Variants in MYH11 observed in about 807,000 individuals in gnomAD.
MYH11 encodes the protein myosin heavy chain 11, also known as myosin-11.
In MYH11, 80 loss-of-function variants were observed where a neutral mutation model predicts 246.6. The observed-to-expected ratio is 0.32, with a 90% CI of 0.27 to 0.39. MYH11 has a LOEUF of 0.39. MYH11 is among the 10% of genes least tolerant of loss of function. The probability of loss-of-function intolerance (pLI) is 1.00; values close to 1 mark genes in which losing one functional copy is unlikely to be tolerated. For missense variants in MYH11, 2,158 were observed against 2,546.8 expected, an observed-to-expected ratio of 0.85 and a Z score of 3.29; for synonymous variants, 1,071 against 1,015.5, an observed-to-expected ratio of 1.05 and a Z score of -1.04.
rs549142813 is a variant in MYH11, at chr16:15,805,949, A to T, written c.503-7262T>A. ...TATAAATAGTATGAATCCATGATACAACGTGGATGAACCTTGACAACATTA... is the reference window on the plus strand; with the variant it reads ...TATAAATAGTATGAATCCATGATACTACGTGGATGAACCTTGACAACATTA... On this transcript the variant is annotated intron_variant, in intron 3 of 40. Coordinates refer to ENST00000300036, the MANE Select transcript of MYH11 (RefSeq NM_002474.3). Among the ~76,000 whole-genome samples the T allele has an allele frequency of 4.6e-5, 7 of 152,152 alleles. No individual in the cohort carries two copies. The South Asian group carries it at 1.5e-3, about 32-fold the overall frequency.
intron 16 of MYH11, 68 bp from the exon 17 acceptor site, chr16:15,748,236 T>G (rs2041473841): frequency 6.2e-7 from 1 of 1,603,150 alleles, no homozygotes; most frequent in African/African-American, 1.3e-5. Context: ...GCCCCAAACC[T>G]CCTACCTGGA....
intron 3 of MYH11, among the ~76,000 whole-genome samples, chr16:15,823,015 C>T (rs1172933147): frequency 1.3e-5 from 2 of 152,274 alleles, no homozygotes; most frequent in Non-Finnish European, 2.9e-5. Context: ...CCTTGGGCAG[C>T]GAGCCCCGGA....
chr16:15,716,838 A>G (rs1214176654), intron 38 of MYH11, among the ~76,000 whole-genome samples: 1 of 152,158 alleles, frequency 6.6e-6, no homozygotes, highest in Non-Finnish European at 1.5e-5. Context: ...ATCTGTCAGC[A>G]TGCTATCCCT....
At position 15,786,832 on chromosome 16, in the gene MYH11, C is replaced by T. The variant is rs951105656; in HGVS notation, c.531-100G>A. ...CAATAATGATCATCACCACCATTTCCCAGAGGGTGAAACAGAGGCTCCCAG... is the reference window on the plus strand; with the variant it reads ...CAATAATGATCATCACCACCATTTCTCAGAGGGTGAAACAGAGGCTCCCAG... On this transcript the variant is annotated intron_variant, in intron 4 of 40. Coordinates refer to ENST00000300036, the MANE Select transcript of MYH11 (RefSeq NM_002474.3). The T allele has an allele frequency of 5.4e-6, 6 of 1,114,934 alleles. No individual in the cohort carries two copies. In the African/African-American group the frequency reaches 7.8e-5, roughly 14 times the overall value. 69.1% of individuals were successfully genotyped at this position (1,114,934 alleles called of 1,614,324 possible).
At chr16:15,852,301 T>C (rs1386526777) in intron 1 of MYH11, among the ~76,000 whole-genome samples, 3 of 151,568 alleles carry the variant, frequency 2.0e-5, no homozygotes, top group East Asian at 1.9e-4. Context: ...ACTGCTGTCA[T>C]ATGTGACTGC....
rs927619797 is a variant in MYH11 at position 15,750,898 on chromosome 16, C to T, written c.1865-567G>A. Among the ~76,000 whole-genome samples the T allele has an allele frequency of 5.3e-5, 8 of 151,750 alleles. No homozygotes were observed. The highest frequency in any genetic ancestry group is 1.2e-4 in the Non-Finnish European group (8 of 67,960). On this transcript the variant is annotated intron_variant, in intron 15 of 40. Coordinates refer to ENST00000300036, the MANE Select transcript of MYH11 (RefSeq NM_002474.3). This position sits in a 1 kb window ranked among gnomAD's most constrained non-coding sequence, Gnocchi z 4.3. ...GGAATATCTTGAGTAGTGAGGTGTG[C>T]GTAGAAAAATAAAAATAGGGTAAAG...
chr16:15,831,397 G>C (rs1488628709), intron 2 of MYH11, among the ~76,000 whole-genome samples: 2 of 151,806 alleles, frequency 1.3e-5, no homozygotes, highest in East Asian at 3.9e-4. Flanking sequence ...AAAACTATAA[G>C]GTAGGGTTAA....
At chr16:15,726,752 A>G in intron 28 of MYH11, 96 bp downstream of exon 28, 1 of 1,408,610 alleles carries the variant, frequency 7.1e-7, no homozygotes, top group Non-Finnish European at 9.9e-7. Context: ...CTTGCCTTGC[A>G]GCAAGAGAGA....
At chr16:15,804,705 TC>T (rs2151329561) in intron 3 of MYH11, among the ~76,000 whole-genome samples, 1 of 152,310 alleles carries the variant, frequency 6.6e-6, no homozygotes, top group South Asian at 2.1e-4. Context: ...CAATTTGCTT[TC>T]TGTCTCTATG....
At chr16:15,718,514 C>T in intron 36 of MYH11, 76 bp from the exon 37 acceptor site, 3 of 1,522,774 alleles carry the variant, frequency 2.0e-6, no homozygotes, top group Non-Finnish European at 1.8e-6. Flanking sequence ...GGAGTCATGC[C>T]TCAGGGGTAT....
intron 16 of MYH11, 35 bp from the exon 17 acceptor site, chr16:15,748,203 G>A (rs538840615): frequency 1.2e-6 from 2 of 1,611,992 alleles, no homozygotes; most frequent in Admixed American, 3.3e-5. Context: ...GATCCCTGGG[G>A]CCAGAAACCA....
At chr16:15,763,127 G>A (rs565710931) in intron 10 of MYH11, among the ~76,000 whole-genome samples, 2 of 152,082 alleles carry the variant, frequency 1.3e-5, no homozygotes, top group East Asian at 1.9e-4. Flanking sequence ...ATGTTACAAG[G>A]GACATAATTA....
chr16:15,782,649 A>G, intron 5 of MYH11, 172 bp from the exon 6 acceptor site: 1 of 629,052 alleles, frequency 1.6e-6, no homozygotes, highest in Admixed American at 2.4e-5. Flanking sequence ...ATTTCAGAAG[A>G]GAAGCAACTG....
At chr16:15,793,615 C>CTTTTTT (rs572455483) in intron 4 of MYH11, among the ~76,000 whole-genome samples, 137 of 93,780 alleles carry the variant, frequency 1.5e-3, no homozygotes, top group African/African-American at 3.4e-3. Context: ...CTTTTCTTTT[C>CTTTTTT]TTTTTTTTTT....
chr16:15,737,423 C>G, intron 25 of MYH11, 26 bp downstream of exon 25: 1 of 1,608,238 alleles, frequency 6.2e-7, no homozygotes, highest in Non-Finnish European at 8.5e-7. Context: ...GGACACACAG[C>G]AAATGCCCCT....
At chr16:15,813,664 T>C (rs1296827777) in intron 3 of MYH11, among the ~76,000 whole-genome samples, 1 of 151,976 alleles carries the variant, frequency 6.6e-6, no homozygotes, top group Non-Finnish European at 1.5e-5. Context: ...TCCTAAACCT[T>C]ACTAAAATAA....
intron 4 of MYH11, among the ~76,000 whole-genome samples, chr16:15,793,226 A>C (rs150621645): frequency 6.6e-6 from 1 of 152,294 alleles, no homozygotes; most frequent in East Asian, 1.9e-4. Context: ...GCTAGACAAA[A>C]TACAACTCAG....
At chr16:15,778,644 T>G in intron 7 of MYH11, 136 bp downstream of exon 7, 3 of 901,430 alleles carry the variant, frequency 3.3e-6, no homozygotes, top group Non-Finnish European at 5.5e-6. Context: ...ATGCCTGCTG[T>G]TAAGGGGAGA....
In MYH11 at chr16:15,838,279, A is replaced by G. The variant is rs775443914; in HGVS notation, c.-17-10T>C. On this transcript the variant is annotated splice_polypyrimidine_tract_variant and intron_variant, in intron 1 of 40. Coordinates refer to ENST00000300036, the MANE Select transcript of MYH11 (RefSeq NM_002474.3). ...GTGCCTTGTTGGTCCCCTGTGGAAT[A>G]AGGTAACAGGGTCAGAATCAGACCA... 3 of 1,607,410 alleles carry G rather than the reference A, an allele frequency of 1.9e-6. No homozygotes were observed. Among genetic ancestry groups the G allele is most frequent in the Non-Finnish European group, 2.6e-6 (3 of 1,174,480 alleles).
Sources: allele counts gnomAD v4.1 joint callset (sites outside exome capture counted in the v4.1 genomes callset), GRCh38; gene constraint gnomAD v4.1.1; non-coding constraint Gnocchi (gnomAD v3.1); transcripts MANE v1.5; gene names NCBI Gene and HGNC (gene_info 2026-07-23, HGNC 2026-07-21).